The following HINT3 variants were observed in gnomAD, a reference collection of about 807,000 sequenced individuals.
HINT3 encodes histidine triad nucleotide binding protein 3.
A neutral mutation model predicts 19.1 loss-of-function variants in HINT3; 16 were observed. That is an observed-to-expected ratio of 0.84 (90% CI 0.57 to 1.27). The LOEUF (loss-of-function observed/expected upper bound fraction) is 1.27. HINT3 is among the 50% of genes most tolerant of loss of function. The pLI, the probability that HINT3 is intolerant of heterozygous loss-of-function variation, is 0.00. For missense variants in HINT3, 197 were observed against 225.8 expected, an observed-to-expected ratio of 0.87 and a Z score of 0.82; for synonymous variants, 75 against 84.8, an observed-to-expected ratio of 0.88 and a Z score of 0.63.
chr6:125,963,128 C>T (rs547728529), intron 1 of HINT3, among the ~76,000 whole-genome samples: 5 of 152,218 alleles, frequency 3.3e-5, no homozygotes, highest in South Asian at 2.1e-4. Flanking sequence ...ATCAAAAGGG[C>T]GTCTATGTAT....
intron 2 of HINT3, 60 bp from the exon 3 acceptor site, chr6:125,972,198 AT>A: frequency 9.4e-7 from 1 of 1,067,988 alleles, no homozygotes; most frequent in Non-Finnish European, 1.4e-6. Flanking sequence ...GTGAAGATCA[AT>A]GGCAATTTGT....
At chr6:125,961,492 C>T (rs762066017) in intron 1 of HINT3, among the ~76,000 whole-genome samples, 7 of 152,162 alleles carry the variant, frequency 4.6e-5, no homozygotes, top group African/African-American at 7.2e-5. Context: ...AACTTCTGAC[C>T]GACCAGCTTG....
At chr6:125,963,416 T>C (rs1159142937) in intron 1 of HINT3, among the ~76,000 whole-genome samples, 1 of 152,224 alleles carries the variant, frequency 6.6e-6, no homozygotes, top group Non-Finnish European at 1.5e-5. Context: ...TTTTTAGCTT[T>C]TTTAGTTCTG....
chr6:125,973,846 T>C (rs181321863), intron 3 of HINT3, among the ~76,000 whole-genome samples: 90 of 152,352 alleles, frequency 5.9e-4, no homozygotes, highest in Middle Eastern at 3.4e-3. Context: ...ACCTTGGGAA[T>C]ATTTTAAACT....
At chr6:125,964,080 T>C (rs1367814091) in intron 1 of HINT3, among the ~76,000 whole-genome samples, 1 of 152,184 alleles carries the variant, frequency 6.6e-6, no homozygotes, top group Non-Finnish European at 1.5e-5. Context: ...TGCCCCACAC[T>C]TGAGGAGCTT....
intron 3 of HINT3, among the ~76,000 whole-genome samples, chr6:125,974,116 C>T (rs1318726122): frequency 6.6e-6 from 1 of 152,192 alleles, no homozygotes; most frequent in South Asian, 2.1e-4. Context: ...ATACCTTGAA[C>T]AGGCAAATAT....
intron 1 of HINT3, among the ~76,000 whole-genome samples, chr6:125,959,556 A>G (rs1357564034): frequency 6.6e-6 from 1 of 152,174 alleles, no homozygotes; most frequent in Non-Finnish European, 1.5e-5. Flanking sequence ...CAATTTCATG[A>G]AGTGGTGAAG....
At chr6:125,970,096 G>C (rs558033851) in intron 2 of HINT3, among the ~76,000 whole-genome samples, 14 of 152,268 alleles carry the variant, frequency 9.2e-5, no homozygotes, top group African/African-American at 3.4e-4. Context: ...AATTGGGCTA[G>C]ATTTTTAAGA....
At chr6:125,974,503 T>C (rs977573230) in intron 3 of HINT3, among the ~76,000 whole-genome samples, 6 of 152,192 alleles carry the variant, frequency 3.9e-5, no homozygotes, top group African/African-American at 1.4e-4. Flanking sequence ...TTTTAAAAAT[T>C]CATTGCAAGA....
intron 3 of HINT3, among the ~76,000 whole-genome samples, chr6:125,973,065 CTTTTTTTTTTTTTTTTTT>C (rs869084942): frequency 1.3e-5 from 1 of 74,480 alleles, no homozygotes; most frequent in Non-Finnish European, 2.4e-5. Context: ...AATTTTTCAA[CTTTTTTTTTTTTTTTTTT>C]TTTTTTTTTT....
chr6:125,958,612 A>G (rs369877188), intron 1 of HINT3, among the ~76,000 whole-genome samples: 12 of 152,236 alleles, frequency 7.9e-5, no homozygotes, highest in African/African-American at 2.9e-4. Context: ...GGGATACAGT[A>G]TTCAGGAGGT....
intron 2 of HINT3, among the ~76,000 whole-genome samples, chr6:125,968,061 G>A (rs1011634410): frequency 6.6e-6 from 1 of 152,180 alleles, no homozygotes; most frequent in Non-Finnish European, 1.5e-5. Context: ...GGTTTATTAC[G>A]TGGGTATATT....
intron 1 of HINT3, among the ~76,000 whole-genome samples, chr6:125,962,491 TACATA>T (rs1788959570): frequency 6.6e-6 from 1 of 151,826 alleles, no homozygotes; most frequent in Non-Finnish European, 1.5e-5. Flanking sequence ...AAAGAATAAC[TACATA>T]ACATAATTCG....
intron 3 of HINT3, among the ~76,000 whole-genome samples, chr6:125,973,128 T>G (rs1415171900): frequency 8.3e-6 from 1 of 119,968 alleles, no homozygotes; most frequent in Non-Finnish European, 1.6e-5. Context: ...CAGGCTGGAG[T>G]GCAGTGGTGC....
intron 2 of HINT3, among the ~76,000 whole-genome samples, chr6:125,967,463 CT>C (rs1789035662): frequency 6.6e-6 from 1 of 151,296 alleles, no homozygotes; most frequent in Non-Finnish European, 1.5e-5. Context: ...TTCCAAGTAG[CT>C]GGGTTTACAG....
chr6:125,975,525 AT>A (rs1789167447), intron 4 of HINT3, among the ~76,000 whole-genome samples: 1 of 151,242 alleles, frequency 6.6e-6, no homozygotes, highest in African/African-American at 2.4e-5. Context: ...GATAGTTCAA[AT>A]TCCTTAGAAA....
At chr6:125,962,169 T>C (rs1247656935) in intron 1 of HINT3, among the ~76,000 whole-genome samples, 11 of 10,386 alleles carry the variant, frequency 1.1e-3, no homozygotes, top group African/African-American at 3.7e-3. Flanking sequence ...TACACATATA[T>C]ATATATATAT....
intron 1 of HINT3, among the ~76,000 whole-genome samples, chr6:125,966,059 TTTAA>T: frequency 6.6e-6 from 1 of 152,182 alleles, no homozygotes; most frequent in Non-Finnish European, 1.5e-5. Flanking sequence ...TTACACTGAT[TTTAA>T]TTAATTTTTA....
intron 3 of HINT3, 59 bp downstream of exon 3, chr6:125,972,387 C>A: frequency 3.9e-6 from 4 of 1,036,116 alleles, no homozygotes; most frequent in South Asian, 3.7e-5. Flanking sequence ...TTCAAAATGT[C>A]ATTTCTCCAT....
Sources: gnomAD v4.1 joint callset for allele counts (sites outside exome capture counted in the v4.1 genomes callset) on GRCh38, gnomAD v4.1.1 for gene constraint, MANE v1.5 for transcripts, NCBI Gene and HGNC (gene_info 2026-07-23, HGNC 2026-07-21) for gene names.